The following INTS6 variants were observed in gnomAD, a reference collection of about 807,000 sequenced individuals.
INTS6 encodes the protein integrator complex subunit 6.
Under a neutral mutation model 104.9 loss-of-function variants are expected in INTS6, and 16 were observed. The observed-to-expected ratio is 0.15, with a 90% confidence interval of 0.10 to 0.23. The LOEUF is 0.23. Among genes scored for constraint, INTS6 ranks in the 10% least tolerant of loss-of-function variants. INTS6 has a pLI of 1.00. For synonymous variants in INTS6, 324 were observed against 358.7 expected (o/e 0.90, Z 1.09); for missense variants, 584 against 1,062.8 (o/e 0.55, Z 6.26).
chr13:51,371,007 C>T (rs946555050), intron 15 of INTS6, among the ~76,000 whole-genome samples: 13 of 152,180 alleles, frequency 8.5e-5, no homozygotes, highest in Non-Finnish European at 7.3e-5. Flanking sequence ...GCACATTCCA[C>T]CCCCAAAGCC....
chr13:51,377,051 T>A (rs1357465652), intron 12 of INTS6, among the ~76,000 whole-genome samples: 2 of 152,190 alleles, frequency 1.3e-5, no homozygotes. Context: ...ATCCCTGTAT[T>A]TTTTGTCTTT....
the INTS6 span, among the ~76,000 whole-genome samples, chr13:51,349,006 G>A: frequency 1.3e-5 from 2 of 152,136 alleles, no homozygotes; most frequent in South Asian, 4.1e-4. Context: ...GTGAAGTGGT[G>A]GCATTCTATG....
At chr13:51,418,991 T>G (rs1444489367) in intron 4 of INTS6, among the ~76,000 whole-genome samples, 1 of 152,192 alleles carries the variant, frequency 6.6e-6, no homozygotes, top group Admixed American at 6.5e-5. Flanking sequence ...CAAGCACTAA[T>G]CAACTTTATG....
rs1489637514 is a variant in INTS6 at position 51,403,727 on chromosome 13, A to AAT, written c.430-8246_430-8245dup. On this transcript the variant is annotated intron_variant, in intron 4 of 17. Coordinates refer to ENST00000311234, the MANE Select transcript of INTS6 (RefSeq NM_012141.3). ...TAATCATGCTTCCCACTTAAGTTTT[A>AAT]ATGACCTATTTACTTCGCAGCCTAT... Among the ~76,000 whole-genome samples, 9 of 152,206 alleles carry AAT rather than the reference A, an allele frequency of 5.9e-5. No individual in the cohort carries two copies. In the South Asian group the frequency reaches 1.9e-3, roughly 32 times the overall value.
chr13:51,452,896 C>T lies in INTS6; in HGVS notation c.-371G>A. On this transcript the variant is annotated 5_prime_UTR_variant, in exon 1 of 18. Coordinates refer to ENST00000311234, the MANE Select transcript of INTS6 (RefSeq NM_012141.3). The surrounding 1 kb of genome is among the most constrained non-coding windows in gnomAD (Gnocchi z 4.2). Reference sequence around the variant, plus strand: ...CTGGCTCCCCACCCCACCCCCGGTACAGGAGTGGGGACCTGGGAGCTGGCG... The same window carrying T: ...CTGGCTCCCCACCCCACCCCCGGTATAGGAGTGGGGACCTGGGAGCTGGCG... 1 of 1,116,328 alleles carries T rather than the reference C, an allele frequency of 9.0e-7. No individual in the cohort carries two copies. The highest frequency in any genetic ancestry group is 2.0e-5 in the South Asian group (1 of 49,310). The allele number at this position is 1,116,328 out of a possible 1,614,324, so 69.2% of individuals were successfully genotyped here.
intron 15 of INTS6, 73 bp from the exon 16 acceptor site, chr13:51,369,383 A>C: frequency 7.0e-7 from 1 of 1,422,548 alleles, no homozygotes; most frequent in Non-Finnish European, 9.5e-7. Flanking sequence ...GCTACAAAAG[A>C]ACATTACTAC....
At chr13:51,334,982 CAA>C in the INTS6 span, among the ~76,000 whole-genome samples, 341 of 70,802 alleles carry the variant, frequency 4.8e-3, 3 homozygotes, top group African/African-American at 0.016. Context: ...GACTCCGTCT[CAA>C]AAAAAAAAAA....
chr13:51,419,941 A>T (rs1956864654), intron 4 of INTS6, among the ~76,000 whole-genome samples: 1 of 152,186 alleles, frequency 6.6e-6, no homozygotes, highest in Non-Finnish European at 1.5e-5. Flanking sequence ...CCCAGAGCCT[A>T]TTTTTTGTAA....
chr13:51,415,855 T>C (rs1187128930), intron 4 of INTS6, among the ~76,000 whole-genome samples: 3 of 152,182 alleles, frequency 2.0e-5, no homozygotes, highest in Non-Finnish European at 4.4e-5. Flanking sequence ...TCCAAGAGTA[T>C]GTCAGTAAAC....
At position 51,369,029 on chromosome 13, in the gene INTS6, C is replaced by G. The variant is rs778015821; in HGVS notation, c.2386G>C (p.Gly796Arg). 1 of 1,613,694 alleles carries G rather than the reference C, an allele frequency of 6.2e-7. No individual in the cohort carries two copies. Among genetic ancestry groups the G allele is most frequent in the Non-Finnish European group, 8.5e-7 (1 of 1,179,822 alleles). ...ENIPASSLNK[G>R]KKLMHCRSHE... The stretch of plus-strand genomic sequence containing the variant: ...CTTCTGCAATGCATCAATTTCTTTC[C>G]TTTGTTGAGTGAAGATGCTGGTATG... Residue 796 changes from glycine to arginine, a missense_variant, in exon 16 of 18, where the codon GGA becomes CGA. By Grantham distance (125) the Gly-to-Arg change is moderately radical. Transcript: ENST00000311234.
rs910169681 is a variant in INTS6, at chr13:51,363,964, C to T, written c.*1788G>A. The T allele has an allele frequency of 2.1e-5, 5 of 239,914 alleles. No homozygotes were observed. Among genetic ancestry groups the T allele is most frequent in the African/African-American group, 4.5e-5 (2 of 44,590 alleles). 14.9% of individuals were successfully genotyped at this position (239,914 alleles called of 1,614,324 possible). ...ATGGGCTGAATCTCTTTCCTAGATA[C>T]TCTTGTTAAGTATGAATTTTTATCT... On this transcript the variant is annotated 3_prime_UTR_variant, in exon 18 of 18. Coordinates refer to ENST00000311234, the MANE Select transcript of INTS6 (RefSeq NM_012141.3).
Position 51,383,152 on chromosome 13 carries a change from T to C in INTS6, c.1180+177A>G, listed in dbSNP as rs907652228. On this transcript the variant is annotated intron_variant, in intron 9 of 17. Transcript: ENST00000311234. ...CAGACTAAAAAGTGTTTCAATATCA[T>C]CTTTTAATTTACTGTAAACACGAAC... 6.2e-5 allele frequency among the ~76,000 whole-genome samples: 9 copies of C among 144,624 alleles called. No individual in the cohort carries two copies. The Admixed American group carries it at 6.5e-4, about 10-fold the overall frequency. The allele number at this position is 144,624 out of a possible 152,430, so 94.9% of individuals were successfully genotyped here. A position where few individuals can be genotyped will look rare whatever the true frequency, so the allele number is the denominator to read the frequency against.
intron 2 of INTS6, chr13:51,451,432 A>G (rs114661424): frequency 1.1e-3 from 274 of 244,196 alleles, no homozygotes; most frequent in African/African-American, 5.8e-3. Context: ...CTAATCTAAT[A>G]CCCAAAATTT....
chr13:51,374,571 A>G, intron 14 of INTS6, 83 bp downstream of exon 14: 1 of 1,547,650 alleles, frequency 6.5e-7, no homozygotes. Flanking sequence ...AAATAGCTTC[A>G]GCTTACTTCA....
intron 3 of INTS6, chr13:51,446,344 A>T (rs1408502839): frequency 6.6e-6 from 1 of 152,240 alleles, no homozygotes; most frequent in African/African-American, 2.4e-5. Context: ...TGTAAATAAA[A>T]ACCACAATGA....
chr13:51,345,558 G>GCGT, the INTS6 span, among the ~76,000 whole-genome samples: 1,638 of 129,438 alleles, frequency 0.013, 23 homozygotes, highest in East Asian at 0.08. Context: ...CTGCGTCACT[G>GCGT]CACTCCAGCT....
the INTS6 span, among the ~76,000 whole-genome samples, chr13:51,336,095 ATTAAC>A: frequency 1.3e-5 from 2 of 152,240 alleles, no homozygotes; most frequent in Non-Finnish European, 2.9e-5. Context: ...AAAGTAAGTT[ATTAAC>A]TTAGTTTCTA....
At chr13:51,367,324 G>A (rs1265970008) in intron 17 of INTS6, among the ~76,000 whole-genome samples, 1 of 151,954 alleles carries the variant, frequency 6.6e-6, no homozygotes, top group Non-Finnish European at 1.5e-5. Flanking sequence ...TCCAATGAAT[G>A]TGGAACCCAG....
At chr13:51,388,715 G>A (rs915294276) in intron 6 of INTS6, among the ~76,000 whole-genome samples, 1 of 152,112 alleles carries the variant, frequency 6.6e-6, no homozygotes, top group African/African-American at 2.4e-5. Context: ...TCTTGAAATA[G>A]GTAACATACA....
Sources: gnomAD v4.1 joint callset for allele counts (sites outside exome capture counted in the v4.1 genomes callset) on GRCh38, gnomAD v4.1.1 for gene constraint, Gnocchi (gnomAD v3.1) non-coding constraint, MANE v1.5 for transcripts, NCBI Gene and HGNC (gene_info 2026-07-23, HGNC 2026-07-21) for gene names.